MANBA: variants seen among roughly 807,000 people sequenced by gnomAD.
The protein encoded by MANBA is beta-mannosidase.
Under a neutral mutation model 111.1 loss-of-function variants are expected in MANBA, and 83 were observed. The observed-to-expected ratio is 0.75, with a 90% confidence interval of 0.63 to 0.90. The LOEUF (loss-of-function observed/expected upper bound fraction) is 0.90. MANBA is among the 40% of genes least tolerant of loss of function. The pLI is 0.00. For synonymous variants in MANBA, 370 were observed against 378.7 expected, an observed-to-expected ratio of 0.98 and a Z score of 0.27; for missense variants, 1,036 against 1,069.0, an observed-to-expected ratio of 0.97 and a Z score of 0.43.
intron 1 of MANBA, among the ~76,000 whole-genome samples, chr4:102,746,303 T>C (rs1274111997): frequency 6.6e-6 from 1 of 152,226 alleles, no homozygotes. Flanking sequence ...CATGCACCTT[T>C]CGTTGCAGGT....
intron 1 of MANBA, among the ~76,000 whole-genome samples, chr4:102,746,800 G>A (rs753467583): frequency 3.8e-4 from 58 of 152,014 alleles, no homozygotes; most frequent in South Asian, 8.3e-4. Context: ...GTGAAACCCC[G>A]TCTCTACTAA....
chr4:102,754,799 G>A (rs777759948), intron 1 of MANBA, among the ~76,000 whole-genome samples: 1 of 152,044 alleles, frequency 6.6e-6, no homozygotes, highest in Non-Finnish European at 1.5e-5. Context: ...CTCGTGATCT[G>A]CCGCCTTGGC....
chr4:102,755,047 A>G (rs997269527), intron 1 of MANBA, among the ~76,000 whole-genome samples: 2 of 152,226 alleles, frequency 1.3e-5, no homozygotes, highest in African/African-American at 2.4e-5. Context: ...CATACTGCCC[A>G]AGGTGATTTA....
At chr4:102,698,533 A>G (rs555939596) in intron 5 of MANBA, among the ~76,000 whole-genome samples, 14 of 146,788 alleles carry the variant, frequency 9.5e-5, no homozygotes, top group African/African-American at 3.3e-4. Context: ...TGATTTTTGT[A>G]TAAGGTGTAA....
At chr4:102,644,406 T>C (rs935911270) in intron 13 of MANBA, among the ~76,000 whole-genome samples, 1 of 152,052 alleles carries the variant, frequency 6.6e-6, no homozygotes, top group African/African-American at 2.4e-5. Context: ...AAAGAAAATG[T>C]GATACATATA....
intron 1 of MANBA, among the ~76,000 whole-genome samples, chr4:102,732,839 A>G (rs1032750429): frequency 1.1e-4 from 17 of 152,340 alleles, no homozygotes; most frequent in Admixed American, 9.8e-4. Context: ...ACCTATTTAT[A>G]ACTCTACACT....
intron 1 of MANBA, chr4:102,730,286 G>C: frequency 1.8e-6 from 1 of 547,758 alleles, no homozygotes. Flanking sequence ...CTCATGACCG[G>C]AGGAATTTAC....
intron 1 of MANBA, among the ~76,000 whole-genome samples, chr4:102,746,740 A>G (rs1397794368): frequency 4.6e-5 from 7 of 152,206 alleles, no homozygotes; most frequent in African/African-American, 7.2e-5. Flanking sequence ...TGGCAGGCCA[A>G]GGCGGGAGGG....
chr4:102,713,983 G>T (rs1722214107), intron 5 of MANBA, among the ~76,000 whole-genome samples: 1 of 151,858 alleles, frequency 6.6e-6, no homozygotes, highest in Non-Finnish European at 1.5e-5. Context: ...TCACAAGGCT[G>T]TTGTGTCAGG....
At position 102,690,530 on chromosome 4, in the gene MANBA, C is replaced by A. The variant is rs139104246; in HGVS notation, c.849+66G>T. 8,146 of 1,468,108 alleles carry A rather than the reference C, an allele frequency of 5.5e-3. 25 individuals carry two copies. The highest frequency in any genetic ancestry group is 6.7e-3 in the Non-Finnish European group (7,070 of 1,053,046). 90.9% of individuals were successfully genotyped at this position (1,468,108 alleles called of 1,614,324 possible). A position where few individuals can be genotyped will look rare whatever the true frequency, so the allele number is the denominator to read the frequency against. ...TTCTTTCATACTTAGTCCCTCCTTT[C>A]TAATCATTTCTTTAGCACAGGTATT... On this transcript the variant is annotated intron_variant, in intron 6 of 16. Transcript: ENST00000647097.
chr4:102,722,806 G>C, intron 4 of MANBA, 65 bp downstream of exon 4: 1 of 1,505,452 alleles, frequency 6.6e-7, no homozygotes. Flanking sequence ...CTTCAAATAA[G>C]CATTTCATAT....
chr4:102,760,920 T>C lies in MANBA; in HGVS notation c.-26A>G, dbSNP rs930279960. On this transcript the variant is annotated 5_prime_UTR_variant, in exon 1 of 17. Transcript: ENST00000647097. ...CTTGAGATCCCGCGCCACCGAGATG[T>C]GGAGAGATCGAAAGGCAGCGCTGCA... 14 of 1,544,876 alleles carry C rather than the reference T, an allele frequency of 9.1e-6. No homozygotes were observed. The highest frequency in any genetic ancestry group is 1.2e-5 in the Non-Finnish European group (14 of 1,150,406).
At chr4:102,729,296 C>A (rs944345715) in intron 1 of MANBA, 3 of 753,902 alleles carry the variant, frequency 4.0e-6, no homozygotes, top group Non-Finnish European at 4.9e-6. Context: ...TGCTTCCCAG[C>A]CAGCATCTGC....
chr4:102,714,837 TG>T (rs1193913785), intron 4 of MANBA, among the ~76,000 whole-genome samples: 3 of 152,242 alleles, frequency 2.0e-5, no homozygotes, highest in African/African-American at 7.2e-5. Context: ...TAGGCATCCC[TG>T]GTGTCTCTCT....
At chr4:102,749,420 C>A (rs909593504) in intron 1 of MANBA, among the ~76,000 whole-genome samples, 4 of 152,172 alleles carry the variant, frequency 2.6e-5, no homozygotes, top group Non-Finnish European at 5.9e-5. Flanking sequence ...TATGAATTAA[C>A]CCTGAGAAAA....
chr4:102,720,151 G>T (rs1722506705), intron 4 of MANBA, among the ~76,000 whole-genome samples: 1 of 152,120 alleles, frequency 6.6e-6, no homozygotes, highest in African/African-American at 2.4e-5. Context: ...AAATGGAAGG[G>T]GAAGCCAGCA....
intron 1 of MANBA, chr4:102,751,494 G>A (rs1016297790): frequency 1.9e-6 from 1 of 529,890 alleles, no homozygotes; most frequent in African/African-American, 1.9e-5. Context: ...TGAATTTGCT[G>A]ACCTTAGTAA....
chr4:102,712,545 C>A (rs997170512), intron 5 of MANBA, among the ~76,000 whole-genome samples: 6 of 132,940 alleles, frequency 4.5e-5, no homozygotes, highest in Non-Finnish European at 8.1e-5. Flanking sequence ...TTTTAAACAG[C>A]ATCTCGCTCC....
chr4:102,712,397 C>T (rs1181802639), intron 5 of MANBA, among the ~76,000 whole-genome samples: 1 of 151,858 alleles, frequency 6.6e-6, no homozygotes, highest in African/African-American at 2.4e-5. Flanking sequence ...TAAATTAAAC[C>T]AGAGCAGTAT....
Sources: allele counts gnomAD v4.1 joint callset (sites outside exome capture counted in the v4.1 genomes callset), GRCh38; gene constraint gnomAD v4.1.1; transcripts MANE v1.5; gene names NCBI Gene and HGNC (gene_info 2026-07-23, HGNC 2026-07-21).